Variants in CCDC117 observed in about 807,000 individuals in gnomAD.
CCDC117 encodes the protein coiled-coil domain containing 117, also known as coiled-coil domain-containing protein 117.
Under a neutral mutation model 23.5 loss-of-function variants are expected in CCDC117, and 1 was observed. The observed-to-expected ratio is 0.04, with a 90% CI of 0.02 to 0.20. The LOEUF (loss-of-function observed/expected upper bound fraction) is 0.20, where lower values mean the gene tolerates loss of function less well. Among genes scored for constraint, CCDC117 ranks in the 10% least tolerant of loss-of-function variants. CCDC117 has a pLI of 1.00. For synonymous variants in CCDC117, 132 were observed against 124.8 expected, an observed-to-expected ratio of 1.06 and a Z score of -0.39; for missense variants, 383 against 348.2, an observed-to-expected ratio of 1.10 and a Z score of -0.80.
Position 28,781,338 on chromosome 22 carries a change from T to TG in CCDC117, c.464+166_464+167insG, listed in dbSNP as rs2031319461. Reference sequence around the variant, plus strand: ...TTCGTTTTTGTTTTTTTGTTTTGTTTTTTTTTTTTTTTTTTTTTTTTTTTT... The same window carrying TG: ...TTCGTTTTTGTTTTTTTGTTTTGTTTGTTTTTTTTTTTTTTTTTTTTTTTTT... On this transcript the variant is annotated intron_variant, in intron 3 of 4. Transcript: ENST00000249064. Among the ~76,000 whole-genome samples the TG allele has an allele frequency of 1.6e-3, 4 of 2,526 alleles. 1 individual carries two copies. Among genetic ancestry groups the TG allele is most frequent in the African/African-American group, 5.6e-3 (2 of 354 alleles). The allele number at this position is 2,526 out of a possible 152,430, so 1.7% of individuals were successfully genotyped here. A position where few individuals can be genotyped will look rare whatever the true frequency, so the allele number is the denominator to read the frequency against.
chr22:28,781,335 G>GTTT (rs1179781447), intron 3 of CCDC117, among the ~76,000 whole-genome samples, 163 bp downstream of exon 3: 314 of 14,808 alleles, frequency 0.021, 120 homozygotes, highest in South Asian at 0.037. Context: ...TTTTTGTTTT[G>GTTT]TTTTTTTTTT....
At chr22:28,777,921 G>T (rs2031217932) in intron 2 of CCDC117, among the ~76,000 whole-genome samples, 1 of 151,670 alleles carries the variant, frequency 6.6e-6, no homozygotes, top group South Asian at 2.1e-4. Context: ...CACGATCAGG[G>T]TTCACTGCAA....
At chr22:28,785,855 A>G (rs1294294847) in intron 4 of CCDC117, among the ~76,000 whole-genome samples, 1 of 151,642 alleles carries the variant, frequency 6.6e-6, no homozygotes, top group Non-Finnish European at 1.5e-5. Context: ...CCCAGGAGTT[A>G]AAGGCTGCGG....
rs1237546822 is a variant in CCDC117 at position 28,788,374 on chromosome 22, G to A, written c.*2048G>A. The A allele has an allele frequency of 6.6e-6, 1 of 152,572 alleles. No homozygotes were observed. Among genetic ancestry groups the A allele is most frequent in the Non-Finnish European group, 1.5e-5 (1 of 68,030 alleles). The allele number at this position is 152,572 out of a possible 1,614,324, so 9.5% of individuals were successfully genotyped here. A position where few individuals can be genotyped will look rare whatever the true frequency, so the allele number is the denominator to read the frequency against. On this transcript the variant is annotated 3_prime_UTR_variant, in exon 5 of 5. Coordinates refer to ENST00000249064, the MANE Select transcript of CCDC117 (RefSeq NM_173510.4). ...TGCCCAGAGGTAGAGTTAGTGTTTA[G>A]GTGGAAAGGGAGATGACAGCTTTCC...
At chr22:28,785,297 T>G (rs1339379032) in intron 4 of CCDC117, among the ~76,000 whole-genome samples, 1 of 150,734 alleles carries the variant, frequency 6.6e-6, no homozygotes, top group Admixed American at 6.6e-5. Flanking sequence ...CAGGTGATAC[T>G]CCCACCTCAG....
chr22:28,774,728 A>ATTGTC (rs914671696), intron 2 of CCDC117, among the ~76,000 whole-genome samples: 1 of 151,856 alleles, frequency 6.6e-6, no homozygotes, highest in Non-Finnish European at 1.5e-5. Context: ...ACCTGTTTTC[A>ATTGTC]TTGTCTCCTT....
In CCDC117 at chr22:28,787,888, T is replaced by G. The variant is rs927745697; in HGVS notation, c.*1562T>G. 1 of 152,558 alleles carries G rather than the reference T, an allele frequency of 6.6e-6. No individual in the cohort carries two copies. Among genetic ancestry groups the G allele is most frequent in the African/African-American group, 2.4e-5 (1 of 41,442 alleles). The allele number at this position is 152,558 out of a possible 1,614,324, so 9.5% of individuals were successfully genotyped here. On this transcript the variant is annotated 3_prime_UTR_variant, in exon 5 of 5. Coordinates refer to ENST00000249064, the MANE Select transcript of CCDC117 (RefSeq NM_173510.4). ...ATACCTTTTGTAGAAAAAAATGGCT[T>G]ATGCCACGTAAAGGTGAATTTTTAG...
intron 2 of CCDC117, among the ~76,000 whole-genome samples, chr22:28,778,297 T>A (rs2031227088): frequency 1.3e-5 from 2 of 151,970 alleles, no homozygotes; most frequent in Non-Finnish European, 2.9e-5. Context: ...ACATTAAATT[T>A]GAAAGTTCCC....
intron 2 of CCDC117, among the ~76,000 whole-genome samples, chr22:28,777,270 T>C (rs959620381): frequency 1.3e-5 from 2 of 151,944 alleles, no homozygotes; most frequent in Non-Finnish European, 2.9e-5. Flanking sequence ...TGTGATTCGC[T>C]CGCCCGCTGG....
chr22:28,783,537 C>G lies in CCDC117; in HGVS notation c.494C>G (p.Ala165Gly), dbSNP rs1601427922. 1.9e-6 allele frequency: 3 copies of G among 1,613,530 alleles called. No homozygotes were observed. Among genetic ancestry groups the G allele is most frequent in the Non-Finnish European group, 2.5e-6 (3 of 1,179,742 alleles). Residue 165 changes from alanine (A) to glycine (G), a missense_variant, in exon 4 of 5, where the codon GCT becomes GGT. By Grantham distance (60) the Ala-to-Gly change is moderately conservative (BLOSUM62 0). Transcript: ENST00000249064. ...RIIDEDEEVE[A>G]DRNVNHLPSL... ...ATTGATGAAGATGAAGAAGTTGAAG[C>G]TGACAGAAATGTTAACCATCTCCCC... is the stretch of plus-strand genomic sequence containing the variant.
In CCDC117 at chr22:28,773,737, C is replaced by T; in HGVS notation, c.198C>T (p.His66=). ...TTTGTTTCAACAGTGTTTCTGTTCACTGTAAAAAGAAACACAAGCGAGAGG... is the reference window on the plus strand; with the variant it reads ...TTTGTTTCAACAGTGTTTCTGTTCATTGTAAAAAGAAACACAAGCGAGAGG... ...GSAARGRVSV[H]CKKKHKREEE... Residue 66 remains histidine (H), a synonymous_variant, in exon 2 of 5, where the codon CAC becomes CAT. Transcript: ENST00000249064. 1 of 1,613,688 alleles carries T rather than the reference C, an allele frequency of 6.2e-7. No individual in the cohort carries two copies. The highest frequency in any genetic ancestry group is 1.1e-5 in the South Asian group (1 of 91,074).
chr22:28,783,661 T>G lies in CCDC117; in HGVS notation c.602+16T>G. ...TTGAGTCTATGTAAGTTTTGGTACC[T>G]GATTTCTATTTAATTATGATCTTGG... On this transcript the variant is annotated intron_variant, in intron 4 of 4. Transcript: ENST00000249064. 1.9e-6 allele frequency: 3 copies of G among 1,610,102 alleles called. No individual in the cohort carries two copies. In the South Asian group the frequency reaches 3.3e-5, roughly 18 times the overall value.
chr22:28,772,745 G>A lies in CCDC117; in HGVS notation c.-105G>A, dbSNP rs745618079. 2.7e-4 allele frequency: 248 copies of A among 909,824 alleles called. No individual in the cohort carries two copies. Among genetic ancestry groups the A allele is most frequent in the Non-Finnish European group, 3.3e-4 (232 of 703,110 alleles). 56.4% of individuals were successfully genotyped at this position (909,824 alleles called of 1,614,324 possible). A position where few individuals can be genotyped will look rare whatever the true frequency, so the allele number is the denominator to read the frequency against. On this transcript the variant is annotated 5_prime_UTR_variant, in exon 1 of 5. Transcript: ENST00000249064. ...GAAGGCGTGACGTGGGGTCGAGAGCGGGATCCGAGGCTGGCGGGTTTTGGC... is the reference window on the plus strand; with the variant it reads ...GAAGGCGTGACGTGGGGTCGAGAGCAGGATCCGAGGCTGGCGGGTTTTGGC...
chr22:28,781,335 G>T (rs868518908), intron 3 of CCDC117, among the ~76,000 whole-genome samples, 163 bp downstream of exon 3: 462 of 14,808 alleles, frequency 0.031, 47 homozygotes, highest in South Asian at 0.062. Context: ...TTTTTGTTTT[G>T]TTTTTTTTTT....
chr22:28,783,356 T>A, intron 3 of CCDC117, 152 bp from the exon 4 acceptor site: 1 of 651,936 alleles, frequency 1.5e-6, no homozygotes, highest in Non-Finnish European at 2.5e-6. Flanking sequence ...ATACCTTTTA[T>A]ACTCAGGTAT....
In CCDC117 at chr22:28,786,352, C is replaced by A; in HGVS notation, c.*26C>A. 1 of 1,517,816 alleles carries A rather than the reference C, an allele frequency of 6.6e-7. No homozygotes were observed. The highest frequency in any genetic ancestry group is 1.1e-5 in the South Asian group (1 of 88,322). 94.0% of individuals were successfully genotyped at this position (1,517,816 alleles called of 1,614,324 possible). On this transcript the variant is annotated 3_prime_UTR_variant, in exon 5 of 5. Coordinates refer to ENST00000249064, the MANE Select transcript of CCDC117 (RefSeq NM_173510.4). ...AAACCAATTTCTACACTAAAGTTGT[C>A]AAATGTTAGAAGAATCCTGTGTTCA...
intron 3 of CCDC117, among the ~76,000 whole-genome samples, chr22:28,783,241 A>G (rs186322466): frequency 2.6e-5 from 4 of 151,968 alleles, no homozygotes; most frequent in South Asian, 2.1e-4. Context: ...GGGTTTCACC[A>G]TGTTGGCCAG....
At position 28,776,027 on chromosome 22, in the gene CCDC117, T is replaced by C. The variant is rs1407324539; in HGVS notation, c.239+2249T>C. On this transcript the variant is annotated intron_variant, in intron 2 of 4. Transcript: ENST00000249064. ...TGAGATGCCACTCTACCTCCAGATG[T>C]TGGGATGCGTGTGAAGCACCAGGAA... Among the ~76,000 whole-genome samples, 3 of 152,208 alleles carry C rather than the reference T, an allele frequency of 2.0e-5. No individual in the cohort carries two copies. The East Asian group carries it at 5.8e-4, about 29-fold the overall frequency.
chr22:28,781,308 G>GTGTA (rs2031310328), intron 3 of CCDC117, 136 bp downstream of exon 3: 1 of 418,832 alleles, frequency 2.4e-6, no homozygotes, highest in Non-Finnish European at 4.7e-6. Context: ...ATAATTCAAA[G>GTGTA]TGTATTCGTT....
Sources: allele counts gnomAD v4.1 joint callset (sites outside exome capture counted in the v4.1 genomes callset), GRCh38; gene constraint gnomAD v4.1.1; transcripts MANE v1.5; gene names NCBI Gene and HGNC (gene_info 2026-07-23, HGNC 2026-07-21).